The following ARID5B variants were observed in gnomAD, a reference collection of about 807,000 sequenced individuals.
The protein encoded by ARID5B is AT-rich interaction domain 5B.
ARID5B carries 13 observed loss-of-function variants against 97.2 expected under a neutral mutation model. That is an observed-to-expected ratio of 0.13 (90% CI 0.09 to 0.21). ARID5B has a LOEUF of 0.21. Among genes scored for constraint, ARID5B ranks in the 10% least tolerant of loss-of-function variants. The pLI is 1.00. For synonymous variants in ARID5B, 556 were observed against 570.3 expected (o/e 0.97, Z 0.36); for missense variants, 1,210 against 1,465.3 (o/e 0.83, Z 2.84).
At chr10:61,906,415 C>T (rs1442284712) in intron 2 of ARID5B, among the ~76,000 whole-genome samples, 1 of 152,218 alleles carries the variant, frequency 6.6e-6, no homozygotes, top group Non-Finnish European at 1.5e-5. Context: ...GGTTCTGTTA[C>T]TGGATAACTT....
chr10:61,927,868 A>G (rs1406081855), intron 2 of ARID5B, among the ~76,000 whole-genome samples: 1 of 152,156 alleles, frequency 6.6e-6, no homozygotes, highest in Non-Finnish European at 1.5e-5. Context: ...TCCAGCGGAG[A>G]GTGTGTGGAG....
At chr10:62,088,053 G>T (rs867383869) in intron 9 of ARID5B, among the ~76,000 whole-genome samples, 23 of 152,170 alleles carry the variant, frequency 1.5e-4, no homozygotes, top group African/African-American at 5.3e-4. Flanking sequence ...CTTTAGTAGA[G>T]ACAGGGTTTC....
intron 9 of ARID5B, among the ~76,000 whole-genome samples, chr10:62,090,574 A>G (rs867578157): frequency 6.6e-6 from 1 of 152,250 alleles, no homozygotes; most frequent in African/African-American, 2.4e-5. Context: ...ATATATTAGA[A>G]TCAAGGAGTG....
intron 3 of ARID5B, among the ~76,000 whole-genome samples, chr10:61,960,421 T>C (rs939013228): frequency 3.3e-5 from 5 of 152,194 alleles, no homozygotes; most frequent in Admixed American, 1.3e-4. Context: ...AAATGAGACT[T>C]GCCTAAGGAT....
intron 3 of ARID5B, among the ~76,000 whole-genome samples, chr10:61,941,427 T>C (rs1844408493): frequency 6.6e-6 from 1 of 152,060 alleles, no homozygotes; most frequent in Admixed American, 6.6e-5. Flanking sequence ...GGAACTGCAC[T>C]TTAACATATT....
At position 61,997,143 on chromosome 10, in the gene ARID5B, C is replaced by T. The variant is rs74511742; in HGVS notation, c.503-2948C>T. 6.0e-3 allele frequency among the ~76,000 whole-genome samples: 907 copies of T among 151,936 alleles called. 12 individuals carry two copies. The highest frequency in any genetic ancestry group is 0.02 in the African/African-American group (834 of 41,402). On this transcript the variant is annotated intron_variant, in intron 3 of 9. Transcript: ENST00000279873. ...TTAGCAACACTGTCTCCAGGATGCACGGACAGTTGTAGGAGTTGAGAGTAG... is the reference window on the plus strand; with the variant it reads ...TTAGCAACACTGTCTCCAGGATGCATGGACAGTTGTAGGAGTTGAGAGTAG...
At chr10:61,913,364 T>C (rs1843842318) in intron 2 of ARID5B, among the ~76,000 whole-genome samples, 1 of 152,338 alleles carries the variant, frequency 6.6e-6, no homozygotes, top group Admixed American at 6.5e-5. Context: ...TCATGTCTAA[T>C]TTGCCATGGA....
intron 4 of ARID5B, among the ~76,000 whole-genome samples, chr10:62,006,544 C>T (rs1029200910): frequency 1.3e-5 from 2 of 152,176 alleles, no homozygotes; most frequent in Admixed American, 1.3e-4. Flanking sequence ...ACAAGGAGAA[C>T]CTTAAGGTCA....
intron 4 of ARID5B, among the ~76,000 whole-genome samples, chr10:62,001,227 G>A (rs570935977): frequency 6.6e-6 from 1 of 152,202 alleles, no homozygotes; most frequent in Non-Finnish European, 1.5e-5. Context: ...TTATCAAACT[G>A]CTTGTGTTCC....
intron 7 of ARID5B, among the ~76,000 whole-genome samples, chr10:62,065,933 A>G (rs1271799490): frequency 1.3e-5 from 2 of 151,896 alleles, no homozygotes; most frequent in African/African-American, 4.8e-5. Flanking sequence ...AGGTTGAAAC[A>G]CAAATTATAA....
At chr10:61,922,839 GTT>G (rs1418032787) in intron 2 of ARID5B, among the ~76,000 whole-genome samples, 1 of 152,224 alleles carries the variant, frequency 6.6e-6, no homozygotes, top group Non-Finnish European at 1.5e-5. Flanking sequence ...CAAGTTAACT[GTT>G]TTGTGAGAAG....
At chr10:62,029,854 T>A (rs1016644603) in intron 4 of ARID5B, among the ~76,000 whole-genome samples, 6 of 152,230 alleles carry the variant, frequency 3.9e-5, no homozygotes, top group African/African-American at 1.4e-4. Flanking sequence ...GAAAACACAC[T>A]GTAAAGTGAA....
chr10:62,054,230 C>A (rs550634634), intron 5 of ARID5B, among the ~76,000 whole-genome samples: 1 of 152,268 alleles, frequency 6.6e-6, no homozygotes, highest in South Asian at 2.1e-4. Context: ...CTTAGGTCAA[C>A]ATGAAGACTA....
intron 4 of ARID5B, among the ~76,000 whole-genome samples, chr10:62,005,784 G>T (rs146298178): frequency 9.1e-4 from 139 of 152,322 alleles, no homozygotes; most frequent in African/African-American, 2.9e-3. Context: ...CTTCCTTTCT[G>T]AACATCACAT....
intron 8 of ARID5B, among the ~76,000 whole-genome samples, chr10:62,080,822 C>G (rs1397699496): frequency 1.4e-5 from 2 of 147,168 alleles, no homozygotes; most frequent in Non-Finnish European, 3.0e-5. Flanking sequence ...ATAGTAGTGC[C>G]TTTTTTTTTT....
chr10:61,970,563 C>G (rs911929971), intron 3 of ARID5B, among the ~76,000 whole-genome samples: 1 of 152,154 alleles, frequency 6.6e-6, no homozygotes, highest in Non-Finnish European at 1.5e-5. Context: ...ATCCCATTAG[C>G]GAAGGCCCTG....
intron 3 of ARID5B, among the ~76,000 whole-genome samples, chr10:61,992,641 T>C (rs1052477952): frequency 3.9e-5 from 6 of 152,222 alleles, no homozygotes; most frequent in African/African-American, 1.4e-4. Flanking sequence ...TTTCGTTGCC[T>C]ATCCTGGGAA....
At position 61,947,261 on chromosome 10, in the gene ARID5B, C is replaced by CTTTTTTTTTTT. The variant is rs199587188; in HGVS notation, c.502+6868_502+6878dup. ...ACCAGTATATCTTCTCACTTACTTT[C>CTTTTTTTTTTT]TTTTTTTTTTTTTTTTTTTTTTTTT... On this transcript the variant is annotated intron_variant, in intron 3 of 9. Transcript: ENST00000279873. Among the ~76,000 whole-genome samples, 343 of 124,192 alleles carry CTTTTTTTTTTT rather than the reference C, an allele frequency of 2.8e-3. 23 individuals carry two copies. Among genetic ancestry groups the CTTTTTTTTTTT allele is most frequent in the South Asian group, 7.4e-3 (24 of 3,232 alleles). The allele number at this position is 124,192 out of a possible 152,430, so 81.5% of individuals were successfully genotyped here.
rs1309824706 is a variant in ARID5B, at chr10:62,095,293, A to G, written c.*2263A>G. The stretch of plus-strand genomic sequence containing the variant: ...TTGAATGGTCACAGAATCGGAGGAC[A>G]TGGAAGAAAAAGGAAACTTCGGTGG... On this transcript the variant is annotated 3_prime_UTR_variant, in exon 10 of 10. Transcript: ENST00000279873. 1 of 231,890 alleles carries G rather than the reference A, an allele frequency of 4.3e-6. No individual in the cohort carries two copies. Among genetic ancestry groups the G allele is most frequent in the Non-Finnish European group, 8.5e-6 (1 of 117,216 alleles). The allele number at this position is 231,890 out of a possible 1,614,324, so 14.4% of individuals were successfully genotyped here.
Sources: allele counts gnomAD v4.1 joint callset (sites outside exome capture counted in the v4.1 genomes callset), GRCh38; gene constraint gnomAD v4.1.1; transcripts MANE v1.5; gene names NCBI Gene and HGNC (gene_info 2026-07-23, HGNC 2026-07-21).